EML1: variants seen among roughly 807,000 people sequenced by gnomAD.
The protein encoded by EML1 is EMAP like 1, also known as echinoderm microtubule-associated protein-like 1.
EML1 carries 27 observed loss-of-function variants against 110.4 expected under a neutral mutation model. The observed-to-expected ratio is 0.24, with a 90% CI of 0.18 to 0.34. The LOEUF is 0.34. Among genes scored for constraint, EML1 ranks in the 10% least tolerant of loss-of-function variants. The pLI is 1.00. For synonymous variants in EML1, 344 were observed against 385.8 expected, an observed-to-expected ratio of 0.89 and a Z score of 1.27; for missense variants, 741 against 1,030.9, an observed-to-expected ratio of 0.72 and a Z score of 3.85.
At chr14:99,909,827 G>A (rs889279156) in intron 11 of EML1, among the ~76,000 whole-genome samples, 9 of 152,072 alleles carry the variant, frequency 5.9e-5, no homozygotes, top group Admixed American at 3.3e-4. Flanking sequence ...GTGGGGCTGC[G>A]AGAGCACCAG....
chr14:99,796,490 CTT>C (rs60618425), intron 1 of EML1, among the ~76,000 whole-genome samples: 277 of 136,866 alleles, frequency 2.0e-3, no homozygotes, highest in East Asian at 8.7e-3. Flanking sequence ...AAATCACAAG[CTT>C]TTTTTTTTTT....
chr14:99,858,162 G>A (rs2058936929), intron 2 of EML1, among the ~76,000 whole-genome samples: 1 of 151,500 alleles, frequency 6.6e-6, no homozygotes, highest in Non-Finnish European at 1.5e-5. Context: ...TTCCTTTGCA[G>A]TGTCTAGAGC....
rs933248979 is a variant in EML1, at chr14:99,866,636, G to T, written c.383+990G>T. On this transcript the variant is annotated intron_variant, in intron 3 of 21. Coordinates refer to ENST00000262233, the MANE Select transcript of EML1 (RefSeq NM_004434.3). Reference sequence around the variant, plus strand: ...TAAGTATATTCACGCATCTATTGTTGTGCAACAGATCTCTAGAACTTTTTC... The same window carrying T: ...TAAGTATATTCACGCATCTATTGTTTTGCAACAGATCTCTAGAACTTTTTC... Among the ~76,000 whole-genome samples, 11 of 142,762 alleles carry T rather than the reference G, an allele frequency of 7.7e-5. No homozygotes were observed. In the South Asian group the frequency reaches 2.4e-3, roughly 31 times the overall value. The allele number at this position is 142,762 out of a possible 152,430, so 93.7% of individuals were successfully genotyped here.
In EML1 at chr14:99,900,979, C is replaced by G; in HGVS notation, c.948C>G (p.Leu316=). 3 of 1,614,164 alleles carry G rather than the reference C, an allele frequency of 1.9e-6. No homozygotes were observed. The highest frequency in any genetic ancestry group is 2.5e-6 in the Non-Finnish European group (3 of 1,180,036). The change falls in exon 9 of 22, where the codon CTC becomes CTG. Residue 316 remains leucine, a synonymous_variant. Transcript: ENST00000262233. The part of the protein sequence containing the change: ...RIWDSVTLNT[L]HVIGIGFFDR... ...GGGATTCTGTGACATTGAATACTCTCCACGTCATTGGAATAGGTTTTTTTG... is the reference window on the plus strand; with the variant it reads ...GGGATTCTGTGACATTGAATACTCTGCACGTCATTGGAATAGGTTTTTTTG...
At chr14:99,823,811 C>G (rs1051186092) in intron 1 of EML1, among the ~76,000 whole-genome samples, 1 of 152,140 alleles carries the variant, frequency 6.6e-6, no homozygotes, top group Non-Finnish European at 1.5e-5. Context: ...TGTAGCCTGG[C>G]TGTCACTTGG....
chr14:99,933,439 G>A (rs1036644223), intron 17 of EML1, among the ~76,000 whole-genome samples: 1 of 152,214 alleles, frequency 6.6e-6, no homozygotes, highest in African/African-American at 2.4e-5. Context: ...GCCTTCCAAA[G>A]TGCTGGGATT....
At position 99,923,643 on chromosome 14, in the gene EML1, C is replaced by CAATCGATCAGAAACGTAAAGGTTTAT. The variant is rs1566940212; in HGVS notation, c.1909+2766_1909+2767insAATCGATCAGAAACGTAAAGGTTTAT. Among the ~76,000 whole-genome samples, 5 of 51,650 alleles carry CAATCGATCAGAAACGTAAAGGTTTAT rather than the reference C, an allele frequency of 9.7e-5. No individual in the cohort carries two copies. The African/African-American group carries it at 2.1e-3, about 22-fold the overall frequency. The allele number at this position is 51,650 out of a possible 152,430, so 33.9% of individuals were successfully genotyped here. On this transcript the variant is annotated intron_variant, in intron 17 of 21. Transcript: ENST00000262233. Reference sequence around the variant, plus strand: ...ATTTCCGGATACTCAGTTCTGCCCCCTTCACCTGTGTTTATCCCCGATTAC... The same window carrying CAATCGATCAGAAACGTAAAGGTTTAT: ...ATTTCCGGATACTCAGTTCTGCCCCCAATCGATCAGAAACGTAAAGGTTTATTTCACCTGTGTTTATCCCCGATTAC...
intron 1 of EML1, among the ~76,000 whole-genome samples, chr14:99,811,108 A>G (rs1231835825): frequency 6.7e-6 from 1 of 148,690 alleles, no homozygotes; most frequent in Admixed American, 6.7e-5. Context: ...CCCTTGAACA[A>G]CGCAGGGGTT....
intron 1 of EML1, among the ~76,000 whole-genome samples, chr14:99,752,142 C>G (rs1318464376): frequency 6.6e-6 from 1 of 152,180 alleles, no homozygotes; most frequent in Non-Finnish European, 1.5e-5. Flanking sequence ...AGCTGGCTTT[C>G]TTGGTTCAAA....
upstream of EML1, among the ~76,000 whole-genome samples, chr14:99,768,370 G>C (rs1260371035): frequency 2.0e-5 from 3 of 152,178 alleles, no homozygotes; most frequent in Non-Finnish European, 4.4e-5. Flanking sequence ...GTCTGAGCTG[G>C]GGTGGTGACG....
intron 1 of EML1, among the ~76,000 whole-genome samples, chr14:99,795,166 C>T (rs2057746725): frequency 6.6e-6 from 1 of 152,140 alleles, no homozygotes; most frequent in African/African-American, 2.4e-5. Flanking sequence ...TTTATTGGAG[C>T]AGTTGTTTGG....
intron 2 of EML1, among the ~76,000 whole-genome samples, chr14:99,862,527 C>T (rs1465489803): frequency 6.6e-6 from 1 of 152,100 alleles, no homozygotes; most frequent in Admixed American, 6.6e-5. Context: ...TATGTATTTA[C>T]CCAATCATTT....
chr14:99,856,204 G>A (rs1025430008), intron 2 of EML1, among the ~76,000 whole-genome samples: 2 of 152,192 alleles, frequency 1.3e-5, no homozygotes, highest in African/African-American at 4.8e-5. Flanking sequence ...GGCCCGGCTG[G>A]CATGTTCTTT....
At chr14:99,775,234 T>C (rs2057469348) in intron 1 of EML1, among the ~76,000 whole-genome samples, 1 of 152,146 alleles carries the variant, frequency 6.6e-6, no homozygotes, top group Non-Finnish European at 1.5e-5. Flanking sequence ...CCAGGAGGGA[T>C]CCGATCTCTG....
intron 1 of EML1, among the ~76,000 whole-genome samples, chr14:99,740,755 C>T (rs1010157883): frequency 6.6e-6 from 1 of 152,194 alleles, no homozygotes; most frequent in East Asian, 1.9e-4. Context: ...GTTTCTTCAT[C>T]TTTAAAATGG....
intron 1 of EML1, among the ~76,000 whole-genome samples, chr14:99,838,804 A>G (rs886333392): frequency 1.3e-5 from 2 of 152,176 alleles, no homozygotes. Context: ...TGTTTGCTTT[A>G]AAACTGTAAA....
At position 99,912,484 on chromosome 14, in the gene EML1, C is replaced by T. The variant is rs2059962848; in HGVS notation, c.1494+908C>T. Among the ~76,000 whole-genome samples the T allele has an allele frequency of 2.6e-5, 4 of 152,176 alleles. 1 individual carries two copies. The South Asian group carries it at 8.3e-4, about 32-fold the overall frequency. On this transcript the variant is annotated intron_variant, in intron 13 of 21. Transcript: ENST00000262233. ...ATTGGCCTCATTCTGAAGGGTGATG[C>T]TTTTCATCCCTAGCTTAGAATGGAC...
At chr14:99,765,597 C>T (rs564025980) in intron 1 of EML1, among the ~76,000 whole-genome samples, 8 of 151,908 alleles carry the variant, frequency 5.3e-5, no homozygotes, top group South Asian at 4.2e-4. Flanking sequence ...ATAGATTTAC[C>T]GCACTATATA....
chr14:99,780,502 C>T lies in EML1; in HGVS notation c.-27+6489C>T, dbSNP rs556842437. 5.5e-4 allele frequency among the ~76,000 whole-genome samples: 83 copies of T among 152,194 alleles called. 2 individuals are homozygous for T. Among genetic ancestry groups the T allele is most frequent in the Middle Eastern group, 3.4e-3 (1 of 294 alleles). On this transcript the variant is annotated intron_variant, in intron 1 of 22. Transcript: ENST00000327921. ...GTATGGAGGTTGTTTTTCTTCCATC[C>T]TCTCTGTCCTCAGGAGTTTTAGCAG...
Sources: gnomAD v4.1 joint callset for allele counts (sites outside exome capture counted in the v4.1 genomes callset) on GRCh38, gnomAD v4.1.1 for gene constraint, MANE v1.5 for transcripts, NCBI Gene and HGNC (gene_info 2026-07-23, HGNC 2026-07-21) for gene names.